ZZZ3: variants seen among roughly 807,000 people sequenced by gnomAD.
The protein encoded by ZZZ3 is ZZ-type zinc finger-containing protein 3.
Under a neutral mutation model 95.2 loss-of-function variants are expected in ZZZ3, and 22 were observed. The ratio of observed to expected loss-of-function variants is 0.23; its 90% CI spans 0.17 to 0.33. The LOEUF is 0.33. ZZZ3 is among the 10% of genes least tolerant of loss of function. ZZZ3 has a pLI of 1.00. For missense variants in ZZZ3, 885 were observed against 1,066.5 expected, an observed-to-expected ratio of 0.83 and a Z score of 2.37; for synonymous variants, 335 against 358.9, an observed-to-expected ratio of 0.93 and a Z score of 0.75.
At chr1:77,650,458 C>A (rs1449529236) in intron 1 of ZZZ3, among the ~76,000 whole-genome samples, 2 of 152,022 alleles carry the variant, frequency 1.3e-5, no homozygotes, top group African/African-American at 2.4e-5. Context: ...ATAAAAAATA[C>A]AACTCGAAAA....
At chr1:77,572,834 TG>T (rs1378980076) in intron 12 of ZZZ3, among the ~76,000 whole-genome samples, 1 of 151,110 alleles carries the variant, frequency 6.6e-6, no homozygotes, top group Non-Finnish European at 1.5e-5. Flanking sequence ...TTTGTAGAGA[TG>T]GGGTCTCACT....
At chr1:77,579,714 T>A in intron 9 of ZZZ3, 86 bp from the exon 10 acceptor site, 1 of 821,598 alleles carries the variant, frequency 1.2e-6, no homozygotes, top group Non-Finnish European at 1.9e-6. Flanking sequence ...CACATTTCAT[T>A]TCAAAATGTA....
chr1:77,653,753 C>CA (rs112277763), intron 1 of ZZZ3, among the ~76,000 whole-genome samples: 8 of 149,000 alleles, frequency 5.4e-5, no homozygotes, highest in Admixed American at 3.3e-4. Context: ...AACTCTGTCT[C>CA]AAAAAAAAAT....
At chr1:77,594,909 C>T (rs987968326) in intron 5 of ZZZ3, among the ~76,000 whole-genome samples, 2 of 143,220 alleles carry the variant, frequency 1.4e-5, no homozygotes, top group African/African-American at 5.4e-5. Context: ...TATGAACTTG[C>T]CTTGACAGGC....
At chr1:77,646,417 C>T (rs1669282445) in intron 1 of ZZZ3, among the ~76,000 whole-genome samples, 1 of 151,986 alleles carries the variant, frequency 6.6e-6, no homozygotes, top group Non-Finnish European at 1.5e-5. Context: ...GACAGGGTTT[C>T]ACACCATGTT....
Position 77,566,142 on chromosome 1 carries a change from A to T in ZZZ3, c.2506T>A (p.Trp836Arg). Residue 836 changes from tryptophan to arginine, a missense_variant, in exon 14 of 15, where the codon TGG becomes AGG. Coordinates refer to ENST00000370801, the MANE Select transcript of ZZZ3 (RefSeq NM_015534.6). ...TCTGGAGGACAATCCTGGCAATGCCACCGAACACCCTGGATGGGTTCTATG... is the reference window on the plus strand; with the variant it reads ...TCTGGAGGACAATCCTGGCAATGCCTCCGAACACCCTGGATGGGTTCTATG... ...CGIEPIQGVR[W>R]HCQDCPPEMS... The T allele has an allele frequency of 6.2e-7, 1 of 1,613,388 alleles. No individual in the cohort carries two copies. The highest frequency in any genetic ancestry group is 8.5e-7 in the Non-Finnish European group (1 of 1,179,608).
intron 5 of ZZZ3, among the ~76,000 whole-genome samples, chr1:77,586,454 G>A (rs1663087722): frequency 6.6e-6 from 1 of 152,140 alleles, no homozygotes; most frequent in Non-Finnish European, 1.5e-5. Context: ...CTTGAAAAAG[G>A]TGCTACAGTC....
At position 77,583,257 on chromosome 1, in the gene ZZZ3, A is replaced by C. The variant is rs1662716609; in HGVS notation, c.1645-1131T>G. Among the ~76,000 whole-genome samples, 5 of 152,240 alleles carry C rather than the reference A, an allele frequency of 3.3e-5. No homozygotes were observed. The South Asian group carries it at 1.0e-3, about 32-fold the overall frequency. On this transcript the variant is annotated intron_variant, in intron 6 of 14. Transcript: ENST00000370801. The stretch of plus-strand genomic sequence containing the variant: ...CGGGAAAGTAAATGAAATGAAATTA[A>C]GGTTAACAAATTTTTCATTAGTAAA...
In ZZZ3 at chr1:77,633,361, G is replaced by A; in HGVS notation, c.-7C>T. On this transcript the variant is annotated 5_prime_UTR_variant, in exon 5 of 15. Transcript: ENST00000370801. ...TAGATCGGGAAGCAGCCATACTATG[G>A]CAAGTCCCTACAATACGGTCATCAT... 1.3e-6 allele frequency: 2 copies of A among 1,590,354 alleles called. No homozygotes were observed. Among genetic ancestry groups the A allele is most frequent in the Non-Finnish European group, 8.6e-7 (1 of 1,168,944 alleles).
intron 11 of ZZZ3, 91 bp from the exon 12 acceptor site, chr1:77,576,311 C>A: frequency 9.4e-7 from 1 of 1,059,152 alleles, no homozygotes; most frequent in East Asian, 2.6e-5. Flanking sequence ...TCCAACAAGT[C>A]TATCAGAAGA....
intron 1 of ZZZ3, among the ~76,000 whole-genome samples, chr1:77,666,258 T>G (rs1671242290): frequency 1.3e-5 from 2 of 149,862 alleles, no homozygotes; most frequent in African/African-American, 4.9e-5. Context: ...TTCTGGCACG[T>G]TGGCTTATGC....
chr1:77,680,715 A>C (rs1159511522), intron 1 of ZZZ3, among the ~76,000 whole-genome samples: 1 of 152,232 alleles, frequency 6.6e-6, no homozygotes. Flanking sequence ...TTGCATGGTC[A>C]AACTATCATT....
At position 77,564,747 on chromosome 1, in the gene ZZZ3, A is replaced by T. The variant is rs1264567301; in HGVS notation, c.*893T>A. 1 of 152,624 alleles carries T rather than the reference A, an allele frequency of 6.6e-6. No homozygotes were observed. Among genetic ancestry groups the T allele is most frequent in the Non-Finnish European group, 1.5e-5 (1 of 68,022 alleles). The allele number at this position is 152,624 out of a possible 1,614,324, so 9.5% of individuals were successfully genotyped here. A position where few individuals can be genotyped will look rare whatever the true frequency, so the allele number is the denominator to read the frequency against. On this transcript the variant is annotated 3_prime_UTR_variant, in exon 15 of 15. Transcript: ENST00000370801. ...ATCTTTTATGGATCTTGTGCAGACT[A>T]CAAAAGAGGGAAATTATTACCATAT...
At chr1:77,682,751 T>C (rs970839137), upstream of ZZZ3, 2 of 152,220 alleles carry the variant, frequency 1.3e-5, no homozygotes, top group African/African-American at 4.8e-5. Flanking sequence ...CAGAAAAAAA[T>C]CAGTATTTCG....
intron 5 of ZZZ3, among the ~76,000 whole-genome samples, chr1:77,623,216 T>A (rs1229002092): frequency 6.6e-6 from 1 of 152,164 alleles, no homozygotes; most frequent in African/African-American, 2.4e-5. Context: ...CAGGGAGGTG[T>A]GTTGCTCAGC....
chr1:77,615,257 A>G (rs949278572), intron 5 of ZZZ3, among the ~76,000 whole-genome samples: 5 of 152,252 alleles, frequency 3.3e-5, no homozygotes, highest in African/African-American at 7.2e-5. Context: ...AAGGTTATCA[A>G]TAACAGTATG....
intron 5 of ZZZ3, among the ~76,000 whole-genome samples, chr1:77,600,230 T>C (rs966526441): frequency 3.9e-5 from 6 of 152,190 alleles, no homozygotes; most frequent in Admixed American, 2.6e-4. Context: ...GTGGTTTACA[T>C]AGAAGGCTTA....
rs1668782329 is a variant in ZZZ3 at position 77,641,607 on chromosome 1, G to A, written c.-354C>T. 2.5e-6 allele frequency: 1 copy of A among 398,060 alleles called. No homozygotes were observed. The highest frequency in any genetic ancestry group is 4.4e-6 in the Non-Finnish European group (1 of 225,854). The allele number at this position is 398,060 out of a possible 1,614,324, so 24.7% of individuals were successfully genotyped here. A position where few individuals can be genotyped will look rare whatever the true frequency, so the allele number is the denominator to read the frequency against. On this transcript the variant is annotated 5_prime_UTR_variant, in exon 2 of 15. Transcript: ENST00000370801. Reference sequence around the variant, plus strand: ...CTGTTAATTGTCCATGTTACACTGAGACTTCAGGTATTATTTATTTATATG... The same window carrying A: ...CTGTTAATTGTCCATGTTACACTGAAACTTCAGGTATTATTTATTTATATG...
At chr1:77,665,608 A>G in intron 1 of ZZZ3, among the ~76,000 whole-genome samples, 1 of 152,196 alleles carries the variant, frequency 6.6e-6, no homozygotes, top group East Asian at 1.9e-4. Flanking sequence ...AAAGTGTATG[A>G]ATATTTAGCT....
Sources: gnomAD v4.1 joint callset for allele counts (sites outside exome capture counted in the v4.1 genomes callset) on GRCh38, gnomAD v4.1.1 for gene constraint, MANE v1.5 for transcripts, NCBI Gene and HGNC (gene_info 2026-07-23, HGNC 2026-07-21) for gene names.